Variants in SYTL5 observed in about 807,000 individuals in gnomAD.
SYTL5 encodes synaptotagmin like 5, also known as synaptotagmin-like protein 5.
SYTL5 carries 34 observed loss-of-function variants against 55.9 expected under a neutral mutation model. The observed-to-expected ratio is 0.61, with a 90% CI of 0.46 to 0.81. The LOEUF is 0.81. SYTL5 is among the 30% of genes least tolerant of loss of function. The pLI is 0.00. For synonymous variants in SYTL5, 221 were observed against 188.7 expected (o/e 1.17, Z -1.40); for missense variants, 637 against 546.7 (o/e 1.17, Z -1.65).
intron 2 of SYTL5, among the ~76,000 whole-genome samples, chrX:38,046,225 G>A (rs1242631604): frequency 9.0e-6 from 1 of 111,349 alleles, no homozygotes; most frequent in Admixed American, 9.5e-5. Flanking sequence ...ATTTTTCATG[G>A]GTTGTTGTCA....
intron 1 of SYTL5, among the ~76,000 whole-genome samples, chrX:38,021,834 C>A (rs1425256761): frequency 5.4e-5 from 6 of 111,893 alleles, no homozygotes; most frequent in Non-Finnish European, 7.5e-5. Flanking sequence ...AGCCTGGATT[C>A]TTGAGGGATA....
At chrX:38,040,878 C>A (rs1287151200) in intron 2 of SYTL5, among the ~76,000 whole-genome samples, 1 of 111,608 alleles carries the variant, frequency 9.0e-6, no homozygotes, top group Non-Finnish European at 1.9e-5. Context: ...TTTGTAGTTT[C>A]TTGAGGAACT....
rs1486114809 is a variant in SYTL5 at position 38,126,779 on chromosome X, T to C, written c.*49T>C. On this transcript the variant is annotated 3_prime_UTR_variant, in exon 17 of 17. Transcript: ENST00000297875. ...GGCCACCAGGACCTATCTGGCTGTC[T>C]TTTCCTACCATTAGCAAACTGAGAC... 5.3e-6 allele frequency: 6 copies of C among 1,138,783 alleles called. No individual in the cohort carries two copies. The highest frequency in any genetic ancestry group is 7.1e-6 in the Non-Finnish European group (6 of 848,600). The allele number at this position is 1,138,783 out of a possible 1,213,427, so 93.8% of individuals were successfully genotyped here. A position where few individuals can be genotyped will look rare whatever the true frequency, so the allele number is the denominator to read the frequency against.
rs181947730 is a variant in SYTL5 at position 38,019,983 on chromosome X, T to C, written c.-357+13315T>C. ...TCTATACGTGTTTACTGCACGAACA[T>C]TTATATGCTCTATAACTCATTCTAT... is the stretch of plus-strand genomic sequence containing the variant. On this transcript the variant is annotated intron_variant, in intron 1 of 16. Coordinates refer to ENST00000297875, the MANE Select transcript of SYTL5 (RefSeq NM_138780.3). 5.6e-3 allele frequency among the ~76,000 whole-genome samples: 626 copies of C among 111,827 alleles called. 23 individuals are homozygous for C. In the Admixed American group the frequency reaches 0.057, roughly 10 times the overall value.
chrX:38,123,118 CAT>C (rs1311076127), intron 15 of SYTL5, among the ~76,000 whole-genome samples: 1 of 111,289 alleles, frequency 9.0e-6, no homozygotes, highest in Non-Finnish European at 1.9e-5. Flanking sequence ...CTCACTCTCA[CAT>C]GTTATTTGTT....
At chrX:38,126,536 A>G (rs1937649987) in intron 16 of SYTL5, 52 bp from the exon 17 acceptor site, 1 of 1,188,344 alleles carries the variant, frequency 8.4e-7, no homozygotes, top group African/African-American at 1.7e-5. Flanking sequence ...ACCTTGCAGG[A>G]GAGCAAAGCA....
chrX:38,081,372 T>G (rs1167608429), intron 6 of SYTL5, among the ~76,000 whole-genome samples: 2 of 111,356 alleles, frequency 1.8e-5, no homozygotes, highest in African/African-American at 6.5e-5. Flanking sequence ...ACCAGAGTAT[T>G]TTGTTATGCT....
chrX:38,112,506 A>T (rs1937381194), intron 13 of SYTL5, among the ~76,000 whole-genome samples: 1 of 112,233 alleles, frequency 8.9e-6, no homozygotes, highest in African/African-American at 3.2e-5. Flanking sequence ...CTTCATAAGA[A>T]TCTTCACCTT....
the SYTL5 span, among the ~76,000 whole-genome samples, chrX:37,998,051 T>C: frequency 2.7e-5 from 3 of 111,555 alleles, no homozygotes; most frequent in African/African-American, 9.8e-5. Context: ...CACTCCAAGG[T>C]CTCCTCTCTG....
At chrX:38,043,936 C>T (rs1038301290) in intron 2 of SYTL5, among the ~76,000 whole-genome samples, 1 of 108,779 alleles carries the variant, frequency 9.2e-6, no homozygotes, top group Non-Finnish European at 1.9e-5. Context: ...TGAACATTCT[C>T]ATTCTTAAAT....
At chrX:38,043,688 T>C (rs531756623) in intron 2 of SYTL5, among the ~76,000 whole-genome samples, 24 of 64,934 alleles carry the variant, frequency 3.7e-4, no homozygotes, top group African/African-American at 5.0e-4. Flanking sequence ...TATATATATA[T>C]ATACATATAT....
intron 2 of SYTL5, among the ~76,000 whole-genome samples, chrX:38,051,434 G>A (rs1935621164): frequency 9.0e-6 from 1 of 111,576 alleles, no homozygotes; most frequent in Non-Finnish European, 1.9e-5. Flanking sequence ...AAAATTCTAA[G>A]TGAGATTGCA....
the SYTL5 span, among the ~76,000 whole-genome samples, chrX:37,985,683 G>A: frequency 4.5e-5 from 5 of 110,169 alleles, no homozygotes; most frequent in Middle Eastern, 0.015. Flanking sequence ...CAAGTGGAAC[G>A]TAAAATTCAT....
the SYTL5 span, among the ~76,000 whole-genome samples, chrX:37,894,528 C>CA: frequency 9.0e-6 from 1 of 111,317 alleles, no homozygotes; most frequent in Non-Finnish European, 1.9e-5. Flanking sequence ...GAATCCAAAC[C>CA]AAAAAATGAC....
At chrX:37,997,415 A>G in the SYTL5 span, among the ~76,000 whole-genome samples, 1 of 112,669 alleles carries the variant, frequency 8.9e-6, no homozygotes, top group South Asian at 3.7e-4. Flanking sequence ...TCGCGGCTGC[A>G]GACCCAGGCA....
chrX:37,893,623 T>A, the SYTL5 span, among the ~76,000 whole-genome samples: 1 of 76,821 alleles, frequency 1.3e-5, no homozygotes, highest in East Asian at 3.3e-4. Context: ...AATCTATATA[T>A]AATCTATATA....
At chrX:38,055,936 C>G (rs1935766732) in intron 3 of SYTL5, among the ~76,000 whole-genome samples, 1 of 111,560 alleles carries the variant, frequency 9.0e-6, no homozygotes. Flanking sequence ...TATCTATTAC[C>G]TCAAGAATTT....
intron 2 of SYTL5, among the ~76,000 whole-genome samples, chrX:38,039,745 C>G (rs764955434): frequency 9.7e-4 from 109 of 112,175 alleles, no homozygotes; most frequent in African/African-American, 3.3e-3. Context: ...TTGGGCTTGC[C>G]TCAGTGGTAA....
chrX:38,120,202 T>C (rs1399467674), intron 13 of SYTL5, among the ~76,000 whole-genome samples, 156 bp from the exon 14 acceptor site: 1 of 112,407 alleles, frequency 8.9e-6, no homozygotes, highest in African/African-American at 3.2e-5. Flanking sequence ...TTCTCTTACC[T>C]CAGTCATCTC....
Sources: allele counts gnomAD v4.1 joint callset (sites outside exome capture counted in the v4.1 genomes callset), GRCh38; gene constraint gnomAD v4.1.1; transcripts MANE v1.5; gene names NCBI Gene and HGNC (gene_info 2026-07-23, HGNC 2026-07-21).